The following MAD1L1 variants were observed in gnomAD, a reference collection of about 807,000 sequenced individuals.
MAD1L1 encodes mitotic spindle assembly checkpoint protein MAD1.
Under a neutral mutation model 96.9 loss-of-function variants are expected in MAD1L1, and 95 were observed. The observed-to-expected ratio is 0.98, with a 90% CI of 0.83 to 1.16. The LOEUF is 1.16. Among genes scored for constraint, MAD1L1 ranks in the 50% most tolerant of loss-of-function variants. The probability of loss-of-function intolerance (pLI) is 0.00; values close to 1 mark genes in which losing one functional copy is unlikely to be tolerated. For synonymous variants in MAD1L1, 473 were observed against 396.6 expected, an observed-to-expected ratio of 1.19 and a Z score of -2.29; for missense variants, 1,007 against 954.4, an observed-to-expected ratio of 1.06 and a Z score of -0.73.
At chr7:1,889,257 G>T (rs1356111101) in intron 18 of MAD1L1, among the ~76,000 whole-genome samples, 2 of 152,228 alleles carry the variant, frequency 1.3e-5, no homozygotes, top group African/African-American at 4.8e-5. Flanking sequence ...CCACCCGACG[G>T]GGGCTGACTA....
At chr7:1,929,466 G>T (rs537292226) in intron 17 of MAD1L1, among the ~76,000 whole-genome samples, 1 of 152,164 alleles carries the variant, frequency 6.6e-6, no homozygotes, top group Admixed American at 6.5e-5. Context: ...GCTCCTATCC[G>T]CCAAGGGCCC....
chr7:1,828,535 G>T (rs1782545149), intron 18 of MAD1L1, among the ~76,000 whole-genome samples: 1 of 152,244 alleles, frequency 6.6e-6, no homozygotes, highest in Non-Finnish European at 1.5e-5. Flanking sequence ...GCGGCTCCAG[G>T]GCACAGCACT....
At chr7:2,185,020 T>C (rs1260879264) in intron 10 of MAD1L1, among the ~76,000 whole-genome samples, 2 of 151,870 alleles carry the variant, frequency 1.3e-5, no homozygotes, top group African/African-American at 4.8e-5. Flanking sequence ...AAATAAATAA[T>C]AAAAATAAAA....
At chr7:2,016,686 C>CGAGCCCCAAGA (rs1782556852) in intron 12 of MAD1L1, among the ~76,000 whole-genome samples, 6 of 152,194 alleles carry the variant, frequency 3.9e-5, no homozygotes, top group African/African-American at 1.4e-4. Flanking sequence ...GCTCTCCTGC[C>CGAGCCCCAAGA]GTCTGTCTCT....
chr7:2,101,793 A>G (rs1786792859), intron 11 of MAD1L1, among the ~76,000 whole-genome samples: 1 of 152,112 alleles, frequency 6.6e-6, no homozygotes, highest in Admixed American at 6.5e-5. Flanking sequence ...CTCACCCACT[A>G]GACTGTTGGC....
chr7:2,026,025 G>C (rs879832057), intron 12 of MAD1L1, among the ~76,000 whole-genome samples: 1 of 151,914 alleles, frequency 6.6e-6, no homozygotes, highest in South Asian at 2.1e-4. Context: ...TAAATATTTC[G>C]ACTAAGAAAT....
chr7:1,983,147 CG>C (rs1562582973), intron 14 of MAD1L1, among the ~76,000 whole-genome samples: 2 of 19,912 alleles, frequency 1.0e-4, no homozygotes, highest in African/African-American at 4.2e-4. Flanking sequence ...CGCGCGCGCG[CG>C]CGCGCGCACA....
At chr7:1,956,508 C>T (rs1167884648) in intron 16 of MAD1L1, among the ~76,000 whole-genome samples, 1 of 152,244 alleles carries the variant, frequency 6.6e-6, no homozygotes, top group African/African-American at 2.4e-5. Context: ...CCTGTCCTCT[C>T]CCCAAATGGC....
chr7:2,053,644 C>G (rs921879589), intron 12 of MAD1L1, among the ~76,000 whole-genome samples: 4 of 152,206 alleles, frequency 2.6e-5, no homozygotes, highest in Non-Finnish European at 5.9e-5. Context: ...CAGCCAGGGC[C>G]TGGGGACACG....
At position 2,197,384 on chromosome 7, in the gene MAD1L1, T is replaced by C. The variant is rs545664051; in HGVS notation, c.986+15828A>G. ...ACCCAGCACCAGGCCTGCACACCTA[T>C]GTGTTCAAGAAGCACTCACCAGTGA... On this transcript the variant is annotated intron_variant, in intron 10 of 18. Coordinates refer to ENST00000265854, the MANE Select transcript of MAD1L1 (RefSeq NM_001013836.2). 3.3e-5 allele frequency among the ~76,000 whole-genome samples: 5 copies of C among 152,214 alleles called. No individual in the cohort carries two copies. The East Asian group carries it at 9.7e-4, about 29-fold the overall frequency.
intron 9 of MAD1L1, among the ~76,000 whole-genome samples, chr7:2,215,637 C>T (rs1461346859): frequency 6.6e-6 from 1 of 152,148 alleles, no homozygotes; most frequent in Non-Finnish European, 1.5e-5. Context: ...CCAGGATGGC[C>T]CAGGAGCCCC....
intron 12 of MAD1L1, among the ~76,000 whole-genome samples, chr7:2,044,429 C>T (rs1310553069): frequency 6.6e-6 from 1 of 152,190 alleles, no homozygotes; most frequent in Non-Finnish European, 1.5e-5. Flanking sequence ...AGAGAAGCTG[C>T]CCGGCGCACG....
At chr7:2,185,580 C>T (rs1637753) in intron 10 of MAD1L1, among the ~76,000 whole-genome samples, 8,316 of 152,098 alleles carry the variant, frequency 0.055, 636 homozygotes, top group African/African-American at 0.17. Context: ...AGCAAGGGAA[C>T]TGCATCTGGC....
chr7:2,083,063 G>A lies in MAD1L1; in HGVS notation c.1074-13725C>T, dbSNP rs142645066. Among the ~76,000 whole-genome samples, 24 of 152,344 alleles carry A rather than the reference G, an allele frequency of 1.6e-4. 1 individual carries two copies. The East Asian group carries it at 3.7e-3, about 23-fold the overall frequency. ...AGGGGGAAGAGCCGTCCCTCCCTGC[G>A]CGTGACGTCCTGGGTACCCAGGGCT... On this transcript the variant is annotated intron_variant, in intron 11 of 18. Transcript: ENST00000265854.
intron 7 of MAD1L1, 149 bp downstream of exon 7, chr7:2,217,813 G>A: frequency 1.5e-6 from 1 of 675,074 alleles, no homozygotes; most frequent in Admixed American, 2.5e-5. Context: ...GGCATCCCTG[G>A]TGCCCAGCAC....
chr7:2,140,438 C>T (rs1788973803), intron 11 of MAD1L1, among the ~76,000 whole-genome samples: 2 of 152,256 alleles, frequency 1.3e-5, no homozygotes, highest in Non-Finnish European at 2.9e-5. Context: ...GCCCTAGCTG[C>T]AGCCGCAGCC....
intron 16 of MAD1L1, among the ~76,000 whole-genome samples, chr7:1,946,641 C>A (rs190652331): frequency 6.6e-6 from 1 of 152,242 alleles, no homozygotes; most frequent in Non-Finnish European, 1.5e-5. Flanking sequence ...CGCGGTTAAG[C>A]GGAAGAGCCG....
intron 11 of MAD1L1, among the ~76,000 whole-genome samples, chr7:2,099,632 AG>A (rs1205031694): frequency 6.6e-6 from 1 of 151,934 alleles, no homozygotes; most frequent in Non-Finnish European, 1.5e-5. Flanking sequence ...GCCGAATCTC[AG>A]AAGTCAGCAC....
chr7:1,860,289 C>T (rs938929425), intron 18 of MAD1L1, among the ~76,000 whole-genome samples: 4 of 147,094 alleles, frequency 2.7e-5, no homozygotes, highest in Non-Finnish European at 4.5e-5. Context: ...GCGGGGCGGC[C>T]TCTGTGTCCC....
Sources: gnomAD v4.1 joint callset for allele counts (sites outside exome capture counted in the v4.1 genomes callset) on GRCh38, gnomAD v4.1.1 for gene constraint, MANE v1.5 for transcripts, NCBI Gene and HGNC (gene_info 2026-07-23, HGNC 2026-07-21) for gene names.